Variants in ACP3 observed in about 807,000 individuals in gnomAD.
ACP3 encodes the protein acid phosphatase 3.
Under a neutral mutation model 45.6 loss-of-function variants are expected in ACP3, and 38 were observed. The ratio of observed to expected loss-of-function variants is 0.83; its 90% CI spans 0.64 to 1.09. The LOEUF is 1.09. Among genes scored for constraint, ACP3 ranks in the 50% least tolerant of loss-of-function variants. ACP3 has a pLI of 0.00. For missense variants in ACP3, 466 were observed against 463.2 expected (o/e 1.01, Z -0.05); for synonymous variants, 162 against 164.7 (o/e 0.98, Z 0.13).
At chr3:132,322,091 CCCAAGGTCA>C (rs1215103387) in intron 1 of ACP3, among the ~76,000 whole-genome samples, 1 of 152,174 alleles carries the variant, frequency 6.6e-6, no homozygotes, top group Non-Finnish European at 1.5e-5. Context: ...AAATCATTTT[CCCAAGGTCA>C]CCCAGCAGGA....
intron 4 of ACP3, among the ~76,000 whole-genome samples, chr3:132,332,908 AG>A (rs1392775765): frequency 6.6e-6 from 1 of 152,202 alleles, no homozygotes. Context: ...GTGCTTGGAG[AG>A]GTTAAATAAC....
At chr3:132,359,558 A>G (rs1938001581), downstream of ACP3, among the ~76,000 whole-genome samples, 1 of 151,736 alleles carries the variant, frequency 6.6e-6, no homozygotes, top group Non-Finnish European at 1.5e-5. Context: ...CCCTGACCCT[A>G]CTCTTGTCTA....
intron 8 of ACP3, 55 bp from the exon 9 acceptor site, chr3:132,352,665 A>T: frequency 8.1e-7 from 1 of 1,228,834 alleles, no homozygotes; most frequent in Non-Finnish European, 1.2e-6. Context: ...CAAGTGCTTC[A>T]TACCTATTGA....
At chr3:132,350,494 C>A (rs995931037) in intron 8 of ACP3, among the ~76,000 whole-genome samples, 30 of 152,134 alleles carry the variant, frequency 2.0e-4, no homozygotes, top group African/African-American at 6.5e-4. Flanking sequence ...AACCTAGTAG[C>A]CAGAAGTAGC....
chr3:132,349,507 G>T (rs1187467473), intron 7 of ACP3, among the ~76,000 whole-genome samples: 2 of 152,180 alleles, frequency 1.3e-5, no homozygotes, highest in Non-Finnish European at 2.9e-5. Context: ...TTTCAGGTCT[G>T]CTCTGGAGAA....
intron 1 of ACP3, among the ~76,000 whole-genome samples, chr3:132,319,614 T>C (rs1481811005): frequency 6.6e-6 from 1 of 152,258 alleles, no homozygotes; most frequent in African/African-American, 2.4e-5. Flanking sequence ...AACCATTCTA[T>C]AAAGTTTTGT....
chr3:132,367,201 T>A (rs1938145630), intron 10 of ACP3, among the ~76,000 whole-genome samples: 1 of 152,162 alleles, frequency 6.6e-6, no homozygotes, highest in African/African-American at 2.4e-5. Flanking sequence ...TAAATAAAGG[T>A]ACATATTAGA....
chr3:132,338,296 T>C (rs141389808), intron 5 of ACP3, among the ~76,000 whole-genome samples: 74 of 151,732 alleles, frequency 4.9e-4, no homozygotes, highest in Middle Eastern at 3.4e-3. Flanking sequence ...TTTTTTTCCA[T>C]TTAAGAAAAT....
intron 5 of ACP3, among the ~76,000 whole-genome samples, chr3:132,340,440 T>A (rs1445176090): frequency 2.0e-5 from 3 of 152,226 alleles, no homozygotes; most frequent in Non-Finnish European, 4.4e-5. Context: ...TGTATCAATG[T>A]ATTCTTATAT....
chr3:132,337,561 AGCTAGTTTTGTTTAGT>A lies in ACP3; in HGVS notation c.555+9_555+24del, dbSNP rs571910861. 824 of 1,578,012 alleles carry A rather than the reference AGCTAGTTTTGTTTAGT, an allele frequency of 5.2e-4. 7 individuals carry two copies. Among genetic ancestry groups the A allele is most frequent in the South Asian group, 2.1e-3 (184 of 88,382 alleles). ...GAGGCTGCACCCTTATAAGGTTAAA[AGCTAGTTTTGTTTAGT>A]GGTACTTGTTAGTTTGTTAGTGGTA... On this transcript the variant is annotated splice_region_variant and intron_variant, in intron 5 of 9. Transcript: ENST00000336375.
intron 5 of ACP3, among the ~76,000 whole-genome samples, chr3:132,340,378 TA>T (rs1054300590): frequency 2.0e-5 from 3 of 151,948 alleles, no homozygotes; most frequent in East Asian, 1.9e-4. Flanking sequence ...ATGGCATTTT[TA>T]AAAAAAAGTT....
intron 9 of ACP3, among the ~76,000 whole-genome samples, chr3:132,353,224 A>G (rs1319186616): frequency 6.6e-6 from 1 of 152,214 alleles, no homozygotes; most frequent in Non-Finnish European, 1.5e-5. Flanking sequence ...ACAAGTCAAG[A>G]TTCTTAAAGT....
At position 132,358,407 on chromosome 3, in the gene ACP3, A is replaced by G. The variant is rs1006382789; in HGVS notation, c.*1529A>G. ...GCCGATATCTTCAGAAAACCTAAGCAAACTTACAGGTCCTGCTGAAACTGC... is the reference window on the plus strand; with the variant it reads ...GCCGATATCTTCAGAAAACCTAAGCGAACTTACAGGTCCTGCTGAAACTGC... On this transcript the variant is annotated 3_prime_UTR_variant, in exon 10 of 10. Coordinates refer to ENST00000336375, the MANE Select transcript of ACP3 (RefSeq NM_001099.5). The G allele has an allele frequency of 8.0e-6, 10 of 1,257,434 alleles. No individual in the cohort carries two copies. The Admixed American group carries it at 9.7e-5, about 12-fold the overall frequency. The allele number at this position is 1,257,434 out of a possible 1,614,324, so 77.9% of individuals were successfully genotyped here.
downstream of ACP3, among the ~76,000 whole-genome samples, chr3:132,360,501 G>A (rs1559845730): frequency 2.6e-5 from 4 of 152,144 alleles, no homozygotes; most frequent in African/African-American, 9.7e-5. Context: ...TTTTTAGCTA[G>A]TGCCAGTAGG....
Position 132,357,412 on chromosome 3 carries a change from G to C in ACP3, c.*534G>C. ...AGAGGCAAAGAAAGGAGATACAGTG[G>C]AGACATCTGGAAAGTTTTCTCCACT... On this transcript the variant is annotated 3_prime_UTR_variant, in exon 10 of 10. Coordinates refer to ENST00000336375, the MANE Select transcript of ACP3 (RefSeq NM_001099.5). The C allele has an allele frequency of 2.0e-6, 2 of 985,352 alleles. No homozygotes were observed. Among genetic ancestry groups the C allele is most frequent in the Non-Finnish European group, 2.4e-6 (2 of 829,898 alleles). The allele number at this position is 985,352 out of a possible 1,614,324, so 61.0% of individuals were successfully genotyped here. A position where few individuals can be genotyped will look rare whatever the true frequency, so the allele number is the denominator to read the frequency against.
At chr3:132,335,653 C>A (rs1937477187) in intron 4 of ACP3, among the ~76,000 whole-genome samples, 1 of 152,066 alleles carries the variant, frequency 6.6e-6, no homozygotes, top group African/African-American at 2.4e-5. Context: ...TAGAGACTGG[C>A]CCAGGATGGC....
chr3:132,362,984 G>C (rs35093038), downstream of ACP3, among the ~76,000 whole-genome samples: 1,620 of 152,288 alleles, frequency 0.011, 20 homozygotes, highest in Non-Finnish European at 0.015. Context: ...AGATCTCTTT[G>C]TATTAAGATA....
chr3:132,345,433 G>C (rs772247351), intron 7 of ACP3, among the ~76,000 whole-genome samples: 1 of 152,178 alleles, frequency 6.6e-6, no homozygotes, highest in Non-Finnish European at 1.5e-5. Context: ...ATCTGTGTCT[G>C]AGCCACATGA....
At chr3:132,331,582 T>A (rs1000858037) in intron 2 of ACP3, 65 bp from the exon 3 acceptor site, 1 of 1,333,242 alleles carries the variant, frequency 7.5e-7, no homozygotes, top group East Asian at 2.4e-5. Flanking sequence ...ATCAACAAAT[T>A]TTTATGATAG....
Sources: allele counts gnomAD v4.1 joint callset (sites outside exome capture counted in the v4.1 genomes callset), GRCh38; gene constraint gnomAD v4.1.1; transcripts MANE v1.5; gene names NCBI Gene and HGNC (gene_info 2026-07-23, HGNC 2026-07-21).